L3MBTL4: variants seen among roughly 807,000 people sequenced by gnomAD.
L3MBTL4 encodes the protein lethal(3)malignant brain tumor-like protein 4.
In L3MBTL4, 70 loss-of-function variants were observed where a neutral mutation model predicts 84.5. The observed-to-expected ratio is 0.83, with a 90% CI of 0.68 to 1.01. The LOEUF is 1.01. Among genes scored for constraint, L3MBTL4 ranks in the 50% least tolerant of loss-of-function variants. The pLI is 0.00. For synonymous variants in L3MBTL4, 274 were observed against 259.8 expected, an observed-to-expected ratio of 1.05 and a Z score of -0.52; for missense variants, 715 against 754.8, an observed-to-expected ratio of 0.95 and a Z score of 0.62.
intron 5 of L3MBTL4, among the ~76,000 whole-genome samples, chr18:6,246,844 C>T (rs567075335): frequency 8.2e-4 from 124 of 152,026 alleles, no homozygotes; most frequent in South Asian, 7.5e-3. Flanking sequence ...ACGGAGGTTG[C>T]GGTGAGCCAA....
intron 16 of L3MBTL4, among the ~76,000 whole-genome samples, chr18:6,075,054 C>T (rs2057811068): frequency 6.6e-6 from 1 of 151,882 alleles, no homozygotes; most frequent in African/African-American, 2.4e-5. Context: ...TAAAGAATAC[C>T]TAATCAAACA....
chr18:5,988,557 G>A (rs2053559870), intron 16 of L3MBTL4, among the ~76,000 whole-genome samples: 1 of 151,960 alleles, frequency 6.6e-6, no homozygotes, highest in Non-Finnish European at 1.5e-5. Flanking sequence ...CTTTTTTTCT[G>A]TAGATAAGTA....
chr18:6,163,320 T>C (rs557975260), intron 13 of L3MBTL4, among the ~76,000 whole-genome samples: 262 of 147,400 alleles, frequency 1.8e-3, no homozygotes, highest in African/African-American at 6.3e-3. Flanking sequence ...TGGGTGTGTA[T>C]TTTTGCTTTC....
At chr18:6,137,986 G>C (rs944763826) in intron 14 of L3MBTL4, among the ~76,000 whole-genome samples, 3 of 152,132 alleles carry the variant, frequency 2.0e-5, no homozygotes, top group African/African-American at 7.2e-5. Context: ...AGTGGGTCTG[G>C]GAAATGCCTC....
chr18:6,327,016 AAC>A (rs1343043574), intron 1 of L3MBTL4, among the ~76,000 whole-genome samples: 2 of 152,218 alleles, frequency 1.3e-5, no homozygotes, highest in African/African-American at 4.8e-5. Flanking sequence ...AAAAATAATA[AAC>A]ACAGGAAAAG....
At chr18:6,306,793 G>A (rs1349047114) in intron 3 of L3MBTL4, among the ~76,000 whole-genome samples, 5 of 152,158 alleles carry the variant, frequency 3.3e-5, no homozygotes, top group South Asian at 2.1e-4. Context: ...TAAAGTTCTT[G>A]CAATCTAAGA....
chr18:6,336,701 G>C (rs1209839973), intron 1 of L3MBTL4, among the ~76,000 whole-genome samples: 2 of 152,148 alleles, frequency 1.3e-5, no homozygotes, highest in African/African-American at 4.8e-5. Flanking sequence ...GCAGAAAAAA[G>C]GGTGAACTCT....
rs1042098149 is a variant in L3MBTL4 at position 6,256,555 on chromosome 18, A to G, written c.219+7392T>C. ...TCTTTCTGAAATCATACTAGATTATAATAATAGCTATGAAGAGGGGAAGGA... is the reference window on the plus strand; with the variant it reads ...TCTTTCTGAAATCATACTAGATTATGATAATAGCTATGAAGAGGGGAAGGA... On this transcript the variant is annotated intron_variant, in intron 5 of 18. Transcript: ENST00000317931. 1.9e-4 allele frequency among the ~76,000 whole-genome samples: 29 copies of G among 151,344 alleles called. No homozygotes were observed. The Admixed American group carries it at 1.9e-3, about 10-fold the overall frequency.
chr18:6,343,358 A>T (rs2052705054), intron 1 of L3MBTL4, among the ~76,000 whole-genome samples: 1 of 152,202 alleles, frequency 6.6e-6, no homozygotes, highest in Non-Finnish European at 1.5e-5. Flanking sequence ...GACAAGTCTT[A>T]ACAAATTTAA....
At chr18:6,145,186 A>G (rs1202394537) in intron 13 of L3MBTL4, among the ~76,000 whole-genome samples, 1 of 152,244 alleles carries the variant, frequency 6.6e-6, no homozygotes, top group Non-Finnish European at 1.5e-5. Flanking sequence ...ATCGAGAAAT[A>G]AAAGAGATTG....
chr18:6,217,155 T>A (rs1196980265), intron 10 of L3MBTL4, among the ~76,000 whole-genome samples: 1 of 152,148 alleles, frequency 6.6e-6, no homozygotes, highest in African/African-American at 2.4e-5. Context: ...TAAAGGAAAG[T>A]ACACAAATCA....
chr18:6,290,668 C>T (rs560596702), intron 4 of L3MBTL4, among the ~76,000 whole-genome samples: 9 of 152,226 alleles, frequency 5.9e-5, no homozygotes, highest in African/African-American at 1.9e-4. Context: ...GCTGGGACTA[C>T]AGGCATACAC....
intron 14 of L3MBTL4, among the ~76,000 whole-genome samples, chr18:6,135,227 C>T (rs1025275503): frequency 2.0e-5 from 3 of 152,130 alleles, no homozygotes; most frequent in African/African-American, 4.8e-5. Context: ...CTGGGCCCAA[C>T]CCACAAAACC....
At position 6,239,670 on chromosome 18, in the gene L3MBTL4, C is replaced by T. The variant is rs775462952; in HGVS notation, c.707+48G>A. 2.5e-6 allele frequency: 4 copies of T among 1,579,002 alleles called. No individual in the cohort carries two copies. In the South Asian group the frequency reaches 4.4e-5, roughly 17 times the overall value. ...TGCTAGAATGAAAACAAATTCTTAA[C>T]ATCAAACATATGAATACACAAAAAT... is the stretch of plus-strand genomic sequence containing the variant. On this transcript the variant is annotated intron_variant, in intron 9 of 18. Coordinates refer to ENST00000317931, the MANE Select transcript of L3MBTL4 (RefSeq NM_001330559.2).
At position 6,003,646 on chromosome 18, in the gene L3MBTL4, A is replaced by T. The variant is rs983297445; in HGVS notation, c.1445-34084T>A. ...CATTCTCCAGGATAGACTATATATT[A>T]AGCCACAAATCATGTTTCAATAGAT... On this transcript the variant is annotated intron_variant, in intron 16 of 18. Transcript: ENST00000317931. 2.6e-5 allele frequency among the ~76,000 whole-genome samples: 4 copies of T among 152,232 alleles called. No individual in the cohort carries two copies. In the East Asian group the frequency reaches 7.7e-4, roughly 29 times the overall value.
chr18:6,188,312 CTATA>C (rs2044882250), intron 12 of L3MBTL4, among the ~76,000 whole-genome samples: 1 of 149,654 alleles, frequency 6.7e-6, no homozygotes, highest in East Asian at 1.9e-4. Context: ...TATATATACT[CTATA>C]ATATAATTAA....
chr18:6,370,471 G>A (rs370178342), intron 1 of L3MBTL4, among the ~76,000 whole-genome samples: 7 of 152,286 alleles, frequency 4.6e-5, no homozygotes, highest in South Asian at 2.1e-4. Context: ...ATCACCAGCC[G>A]CCCGTCTATG....
chr18:6,108,614 T>A (rs1285088001), intron 14 of L3MBTL4, among the ~76,000 whole-genome samples: 2 of 152,072 alleles, frequency 1.3e-5, no homozygotes, highest in South Asian at 2.1e-4. Context: ...TAAAAAAAAA[T>A]TAATTGAAAC....
intron 5 of L3MBTL4, among the ~76,000 whole-genome samples, chr18:6,258,056 G>A (rs2048230963): frequency 6.6e-6 from 1 of 152,222 alleles, no homozygotes; most frequent in African/African-American, 2.4e-5. Context: ...GCAGAGCACA[G>A]GTGCAGGAGG....
Sources: gnomAD v4.1 joint callset for allele counts (sites outside exome capture counted in the v4.1 genomes callset) on GRCh38, gnomAD v4.1.1 for gene constraint, MANE v1.5 for transcripts, NCBI Gene and HGNC (gene_info 2026-07-23, HGNC 2026-07-21) for gene names.